Variants in SLC3A2 observed in about 807,000 individuals in gnomAD.
SLC3A2 encodes the protein amino acid transporter heavy chain SLC3A2.
In SLC3A2, 32 loss-of-function variants were observed where a neutral mutation model predicts 48.5. The ratio of observed to expected loss-of-function variants is 0.66; its 90% CI spans 0.50 to 0.89. SLC3A2 has a LOEUF of 0.89. Among genes scored for constraint, SLC3A2 ranks in the 40% least tolerant of loss-of-function variants. The probability of loss-of-function intolerance (pLI) is 0.00; values close to 1 mark genes in which losing one functional copy is unlikely to be tolerated. For synonymous variants in SLC3A2, 277 were observed against 288.8 expected, an observed-to-expected ratio of 0.96 and a Z score of 0.41; for missense variants, 587 against 680.7, an observed-to-expected ratio of 0.86 and a Z score of 1.53.
At chr11:62,885,125 C>T (rs2085692530) in intron 5 of SLC3A2, 52 bp from the exon 6 acceptor site, 1 of 1,595,370 alleles carries the variant, frequency 6.3e-7, no homozygotes, top group Non-Finnish European at 8.6e-7. Context: ...GCCACTGCGC[C>T]TGGCCCCATT....
chr11:62,860,777 T>C (rs969841449), intron 1 of SLC3A2, among the ~76,000 whole-genome samples: 23 of 152,212 alleles, frequency 1.5e-4, no homozygotes, highest in African/African-American at 5.5e-4. Flanking sequence ...CAGAGGTCCC[T>C]GCGGCCTTCC....
chr11:62,884,255 T>C (rs549115567), intron 3 of SLC3A2: 303 of 615,630 alleles, frequency 4.9e-4, no homozygotes, highest in Non-Finnish European at 7.8e-4. Flanking sequence ...GCTGTAGCAC[T>C]AAGAAAATGA....
At chr11:62,862,175 GAC>G (rs2085406211) in intron 1 of SLC3A2, among the ~76,000 whole-genome samples, 1 of 150,156 alleles carries the variant, frequency 6.7e-6, no homozygotes, top group Admixed American at 6.7e-5. Context: ...AAATTAGCTG[GAC>G]ATGTTGGAGT....
At position 62,888,623 on chromosome 11, in the gene SLC3A2, C is replaced by T; in HGVS notation, c.1520C>T (p.Pro507Leu). 2 of 1,609,768 alleles carry T rather than the reference C, an allele frequency of 1.2e-6. No homozygotes were observed. Among genetic ancestry groups the T allele is most frequent in the Non-Finnish European group, 1.7e-6 (2 of 1,179,994 alleles). Reference sequence around the variant, plus strand: ...CAGCCAGGCCGTGAGGAGGGCTCCCCTCTTGAGCTGGAACGCCTGAAACTG... The same window carrying T: ...CAGCCAGGCCGTGAGGAGGGCTCCCTTCTTGAGCTGGAACGCCTGAAACTG... Reference protein sequence around the residue: ...STQPGREEGSPLELERLKLEP... With the variant: ...STQPGREEGSLLELERLKLEP... The change falls in exon 9 of 9, where the codon CCT becomes CTT. Residue 507 changes from proline to leucine, a missense_variant. Physicochemically the swap from Pro to Leu is moderately conservative, Grantham distance 98. Around this residue, in one of 3 missense-constraint regions of SLC3A2, gnomAD observed 169 missense variants for 204.4 expected, o/e 0.83. Coordinates refer to ENST00000338663, the MANE Select transcript of SLC3A2 (RefSeq NM_001013251.3).
chr11:62,874,775 T>TC, intron 1 of SLC3A2, among the ~76,000 whole-genome samples: 1 of 150,704 alleles, frequency 6.6e-6, no homozygotes, highest in South Asian at 2.1e-4. Flanking sequence ...TCTTTTTCTT[T>TC]TTTTTTTTTT....
chr11:62,882,444 CAG>C (rs1438255397), intron 2 of SLC3A2: 1 of 256,494 alleles, frequency 3.9e-6, no homozygotes, highest in Non-Finnish European at 7.6e-6. Flanking sequence ...GTGGGGAACA[CAG>C]GGGCCACTTC....
chr11:62,883,129 G>T, intron 3 of SLC3A2, 130 bp downstream of exon 3: 1 of 757,258 alleles, frequency 1.3e-6, no homozygotes, highest in Non-Finnish European at 2.3e-6. Flanking sequence ...AAGGAGGAAT[G>T]CCTCCTCCTA....
upstream of SLC3A2, among the ~76,000 whole-genome samples, chr11:62,875,959 G>A (rs1421415426): frequency 6.6e-6 from 1 of 152,116 alleles, no homozygotes. Context: ...CTCAACCTGA[G>A]GGCTCAAGTG....
Position 62,881,537 on chromosome 11 carries a change from T to A in SLC3A2, c.424+90T>A. 2 of 1,463,108 alleles carry A rather than the reference T, an allele frequency of 1.4e-6. No individual in the cohort carries two copies. The highest frequency in any genetic ancestry group is 1.8e-6 in the Non-Finnish European group (2 of 1,107,466). The allele number at this position is 1,463,108 out of a possible 1,614,324, so 90.6% of individuals were successfully genotyped here. A position where few individuals can be genotyped will look rare whatever the true frequency, so the allele number is the denominator to read the frequency against. On this transcript the variant is annotated intron_variant, in intron 1 of 8. Transcript: ENST00000338663. This position sits in a 1 kb window ranked among gnomAD's most constrained non-coding sequence, Gnocchi z 4.0. Reference sequence around the variant, plus strand: ...TCCCCTGTCCCCAGACGGATCTAGATGGTTCTTCCCTCCATCCCGTACCGA... The same window carrying A: ...TCCCCTGTCCCCAGACGGATCTAGAAGGTTCTTCCCTCCATCCCGTACCGA...
intron 1 of SLC3A2, among the ~76,000 whole-genome samples, chr11:62,867,548 T>A (rs1399029563): frequency 6.6e-6 from 1 of 151,350 alleles, no homozygotes; most frequent in Non-Finnish European, 1.5e-5. Flanking sequence ...ATGGTCTCGA[T>A]CCCCTGACCT....
intron 4 of SLC3A2, 36 bp from the exon 5 acceptor site, chr11:62,884,596 A>G (rs1180573745): frequency 1.9e-6 from 3 of 1,612,942 alleles, no homozygotes; most frequent in Non-Finnish European, 2.5e-6. Flanking sequence ...GCCTCATAAT[A>G]TTCTCTGGTC....
At chr11:62,870,576 T>C (rs2085500793) in intron 1 of SLC3A2, among the ~76,000 whole-genome samples, 1 of 151,926 alleles carries the variant, frequency 6.6e-6, no homozygotes, top group Non-Finnish European at 1.5e-5. Context: ...TAGTTCATTC[T>C]TTCCCCACTG....
intron 1 of SLC3A2, among the ~76,000 whole-genome samples, chr11:62,868,631 C>T (rs1444025078): frequency 6.6e-6 from 1 of 152,102 alleles, no homozygotes; most frequent in African/African-American, 2.4e-5. Flanking sequence ...TCCCAAAGTG[C>T]TGGGATTACA....
chr11:62,884,991 C>G (rs1006434623), intron 5 of SLC3A2, among the ~76,000 whole-genome samples, 186 bp from the exon 6 acceptor site: 5 of 151,862 alleles, frequency 3.3e-5, no homozygotes, highest in Non-Finnish European at 7.4e-5. Context: ...GCCACCACAC[C>G]TGGCTAATTT....
At chr11:62,856,135 G>T, upstream of SLC3A2, 1 of 663,640 alleles carries the variant, frequency 1.5e-6, no homozygotes, top group Non-Finnish European at 2.5e-6. Context: ...TTCTCACCCA[G>T]TGCATGTGGC....
chr11:62,858,656 G>T (rs2085364312), intron 1 of SLC3A2, among the ~76,000 whole-genome samples: 2 of 152,142 alleles, frequency 1.3e-5, no homozygotes, highest in African/African-American at 4.8e-5. Context: ...GCATATGGAG[G>T]ATCCCGCCAG....
upstream of SLC3A2, chr11:62,880,773 G>T: frequency 1.8e-6 from 1 of 567,656 alleles, no homozygotes; most frequent in Non-Finnish European, 2.9e-6. Flanking sequence ...TGTCGGAGGC[G>T]TGTTCCTGAC....
chr11:62,877,212 C>G (rs985751453), upstream of SLC3A2, among the ~76,000 whole-genome samples: 1 of 151,926 alleles, frequency 6.6e-6, no homozygotes, highest in African/African-American at 2.4e-5. Context: ...AGGTGCCCAC[C>G]ACCACGCCTG....
chr11:62,883,747 T>G, intron 3 of SLC3A2: 1 of 279,192 alleles, frequency 3.6e-6, no homozygotes, highest in African/African-American at 2.2e-5. Flanking sequence ...TTTGGATGGT[T>G]TGGCATGAGG....
Sources: allele counts gnomAD v4.1 joint callset (sites outside exome capture counted in the v4.1 genomes callset), GRCh38; gene constraint gnomAD v4.1.1; regional missense constraint gnomAD v4.1.1; non-coding constraint Gnocchi (gnomAD v3.1); transcripts MANE v1.5; gene names NCBI Gene and HGNC (gene_info 2026-07-23, HGNC 2026-07-21).